The following SARM1 variants were observed in gnomAD, a reference collection of about 807,000 sequenced individuals.
SARM1 encodes NAD(+) hydrolase SARM1.
In SARM1, 60 loss-of-function variants were observed where a neutral mutation model predicts 65.1. That is an observed-to-expected ratio of 0.92 (90% CI 0.75 to 1.14). SARM1 has a LOEUF of 1.14. Ranked by LOEUF, SARM1 falls within the 50% of genes most tolerant of loss-of-function variation. The pLI is 0.00. For synonymous variants in SARM1, 417 were observed against 465.4 expected (o/e 0.90, Z 1.34); for missense variants, 913 against 1,015.7 (o/e 0.90, Z 1.37).
chr17:28,385,144 A>C lies in SARM1; in HGVS notation c.1499A>C (p.Gln500Pro). 1 of 1,613,384 alleles carries C rather than the reference A, an allele frequency of 6.2e-7. No individual in the cohort carries two copies. The highest frequency in any genetic ancestry group is 2.2e-5 in the East Asian group (1 of 44,874). The change falls in exon 5 of 9, where the codon CAG becomes CCG. Residue 500 changes from glutamine to proline, a missense_variant. Coordinates refer to ENST00000585482, the MANE Select transcript of SARM1 (RefSeq NM_015077.4). This position sits in a 1 kb window ranked among gnomAD's most constrained non-coding sequence, Gnocchi z 4.5. The stretch of plus-strand genomic sequence containing the variant: ...GGCAGCCTGGACCCGCGCTTCCGCC[A>C]GTACACCTACGGCCTGGTCAGCTGC... ...WLGSLDPRFR[Q>P]YTYGLVSCGL...
chr17:28,374,136 G>C (rs990352122), intron 1 of SARM1: 2 of 151,916 alleles, frequency 1.3e-5, no homozygotes, highest in Non-Finnish European at 2.9e-5. Context: ...AATTAGCTGG[G>C]CATGGTGGCG....
chr17:28,372,570 T>G lies in SARM1; in HGVS notation c.470+68T>G. 7.8e-7 allele frequency: 1 copy of G among 1,289,858 alleles called. No individual in the cohort carries two copies. 79.9% of individuals were successfully genotyped at this position (1,289,858 alleles called of 1,614,324 possible). ...GGACAGTTAAGCGCCTGCGTTCCCG[T>G]GTGCCTTGCGCCGTGCCTTTGCCTC... is the stretch of plus-strand genomic sequence containing the variant. On this transcript the variant is annotated intron_variant, in intron 1 of 8. Coordinates refer to ENST00000585482, the MANE Select transcript of SARM1 (RefSeq NM_015077.4). The surrounding 1 kb of genome is among the most constrained non-coding windows in gnomAD (Gnocchi z 5.2).
In SARM1 at chr17:28,385,020, T is replaced by C; in HGVS notation, c.1395-20T>C. On this transcript the variant is annotated intron_variant, in intron 4 of 8. Coordinates refer to ENST00000585482, the MANE Select transcript of SARM1 (RefSeq NM_015077.4). This position sits in a 1 kb window ranked among gnomAD's most constrained non-coding sequence, Gnocchi z 4.5. ...CCGTCCGAGTCTGGACCTCAGCGTCTTCTCCTCCGTGGGGTGCAGGTTCTT... is the reference window on the plus strand; with the variant it reads ...CCGTCCGAGTCTGGACCTCAGCGTCCTCTCCTCCGTGGGGTGCAGGTTCTT... 6.2e-7 allele frequency: 1 copy of C among 1,611,610 alleles called. No individual in the cohort carries two copies.
chr17:28,384,262 G>T lies in SARM1; in HGVS notation c.1090-95G>T. ...GGGCCAGGGCAGATGGAGAGACTTT[G>T]GGTTGTGAGAAGAGACAAGGAGAGG... On this transcript the variant is annotated intron_variant, in intron 2 of 8. Transcript: ENST00000585482. This position sits in a 1 kb window ranked among gnomAD's most constrained non-coding sequence, Gnocchi z 4.4. 9.7e-7 allele frequency: 1 copy of T among 1,034,656 alleles called. No homozygotes were observed. The highest frequency in any genetic ancestry group is 1.4e-6 in the Non-Finnish European group (1 of 714,378). The allele number at this position is 1,034,656 out of a possible 1,614,324, so 64.1% of individuals were successfully genotyped here.
chr17:28,400,114 T>C lies in SARM1; in HGVS notation c.*3828T>C. On this transcript the variant is annotated 3_prime_UTR_variant, in exon 9 of 9. Coordinates refer to ENST00000585482, the MANE Select transcript of SARM1 (RefSeq NM_015077.4). ...CTTGCTATGTTGCCCAGGCTGATCTTGAATTCCCGGGCTCAAGTGGTCCTC... is the reference window on the plus strand; with the variant it reads ...CTTGCTATGTTGCCCAGGCTGATCTCGAATTCCCGGGCTCAAGTGGTCCTC... 1 of 238,386 alleles carries C rather than the reference T, an allele frequency of 4.2e-6. No individual in the cohort carries two copies. The highest frequency in any genetic ancestry group is 1.7e-3 in the Middle Eastern group (1 of 602). The allele number at this position is 238,386 out of a possible 1,614,324, so 14.8% of individuals were successfully genotyped here.
intron 7 of SARM1, among the ~76,000 whole-genome samples, chr17:28,391,879 C>T (rs988347511): frequency 3.7e-5 from 4 of 108,902 alleles, no homozygotes; most frequent in East Asian, 3.3e-4. Context: ...GACTTGACTC[C>T]GTTTTTTTTT....
Position 28,385,586 on chromosome 17 carries a change from G to T in SARM1, c.1630+311G>T. ...AGCCCACCCCATCCACCCAGGTCTAGATTTCAGAGAGGACAGGATGCCTGA... is the reference window on the plus strand; with the variant it reads ...AGCCCACCCCATCCACCCAGGTCTATATTTCAGAGAGGACAGGATGCCTGA... On this transcript the variant is annotated intron_variant, in intron 5 of 8. Coordinates refer to ENST00000585482, the MANE Select transcript of SARM1 (RefSeq NM_015077.4). This position sits in a 1 kb window ranked among gnomAD's most constrained non-coding sequence, Gnocchi z 4.5. The T allele has an allele frequency of 2.3e-6, 1 of 436,236 alleles. No individual in the cohort carries two copies. The highest frequency in any genetic ancestry group is 2.0e-5 in the African/African-American group (1 of 48,814). 27.0% of individuals were successfully genotyped at this position (436,236 alleles called of 1,614,324 possible).
rs1391530922 is a variant in SARM1, at chr17:28,398,025, C to A, written c.*1739C>A. 1 of 152,488 alleles carries A rather than the reference C, an allele frequency of 6.6e-6. No individual in the cohort carries two copies. The highest frequency in any genetic ancestry group is 1.5e-5 in the Non-Finnish European group (1 of 68,248). The allele number at this position is 152,488 out of a possible 1,614,324, so 9.4% of individuals were successfully genotyped here. A position where few individuals can be genotyped will look rare whatever the true frequency, so the allele number is the denominator to read the frequency against. The stretch of plus-strand genomic sequence containing the variant: ...GCCAGCCTCGATGCTTTGGTTTTGA[C>A]CCCACCTGATCCTCCTTTCCTCATG... On this transcript the variant is annotated 3_prime_UTR_variant, in exon 9 of 9. Coordinates refer to ENST00000585482, the MANE Select transcript of SARM1 (RefSeq NM_015077.4).
intron 7 of SARM1, among the ~76,000 whole-genome samples, chr17:28,392,629 G>T (rs1427989112): frequency 2.0e-5 from 3 of 152,300 alleles, no homozygotes; most frequent in Middle Eastern, 3.4e-3. Context: ...CAGAGGACCG[G>T]CCCCTCGTGG....
intron 7 of SARM1, among the ~76,000 whole-genome samples, chr17:28,389,850 C>T (rs570079651): frequency 1.3e-5 from 2 of 152,316 alleles, no homozygotes; most frequent in Admixed American, 1.3e-4. Flanking sequence ...CCAGCTTGGG[C>T]AACAGAGTGG....
chr17:28,387,472 C>G (rs1037990874), intron 5 of SARM1, among the ~76,000 whole-genome samples: 1 of 151,026 alleles, frequency 6.6e-6, no homozygotes, highest in Non-Finnish European at 1.5e-5. Flanking sequence ...GATCCACCCA[C>G]CTTGGCCCCC....
chr17:28,396,604 C>A lies in SARM1; in HGVS notation c.*318C>A. On this transcript the variant is annotated 3_prime_UTR_variant, in exon 9 of 9. Transcript: ENST00000585482. ...TGGAGTTGGGGTGGGGGTGGTTCTGCATTCCCTTCTCCTGCTGATAGCAGT... is the reference window on the plus strand; with the variant it reads ...TGGAGTTGGGGTGGGGGTGGTTCTGAATTCCCTTCTCCTGCTGATAGCAGT... The A allele has an allele frequency of 3.0e-6, 1 of 335,040 alleles. No homozygotes were observed. The highest frequency in any genetic ancestry group is 5.6e-6 in the Non-Finnish European group (1 of 179,676). The allele number at this position is 335,040 out of a possible 1,614,324, so 20.8% of individuals were successfully genotyped here. A position where few individuals can be genotyped will look rare whatever the true frequency, so the allele number is the denominator to read the frequency against.
At position 28,393,116 on chromosome 17, in the gene SARM1, G is replaced by A. The variant is rs562393388; in HGVS notation, c.1924-2789G>A. On this transcript the variant is annotated intron_variant, in intron 7 of 8. Transcript: ENST00000585482. ...GTTTTATTATCCCCACTTTACAGAA[G>A]AGGAAATAATAACACCTATTACGTA... Among the ~76,000 whole-genome samples the A allele has an allele frequency of 4.9e-4, 74 of 152,288 alleles. 1 individual carries two copies. Among genetic ancestry groups the A allele is most frequent in the African/African-American group, 1.7e-3 (70 of 41,554 alleles).
intron 7 of SARM1, among the ~76,000 whole-genome samples, chr17:28,388,906 G>A (rs1597822137): frequency 6.6e-6 from 1 of 152,052 alleles, no homozygotes; most frequent in East Asian, 1.9e-4. Context: ...GAGTAGCTGG[G>A]ACTACAGGTG....
Position 28,402,629 on chromosome 17 carries a change from C to T in SARM1, c.*6343C>T, listed in dbSNP as rs1270880241. On this transcript the variant is annotated 3_prime_UTR_variant, in exon 9 of 9. Transcript: ENST00000585482. Reference sequence around the variant, plus strand: ...CACTTAGTAGGGATATGGCAGGGCACAGAAAACAAGCATGGGCTTTGGAGT... The same window carrying T: ...CACTTAGTAGGGATATGGCAGGGCATAGAAAACAAGCATGGGCTTTGGAGT... The T allele has an allele frequency of 7.9e-6, 2 of 253,710 alleles. No individual in the cohort carries two copies. Among genetic ancestry groups the T allele is most frequent in the Admixed American group, 4.7e-5 (1 of 21,466 alleles). 15.7% of individuals were successfully genotyped at this position (253,710 alleles called of 1,614,324 possible). A position where few individuals can be genotyped will look rare whatever the true frequency, so the allele number is the denominator to read the frequency against.
rs113093738 is a variant in SARM1 at position 28,402,060 on chromosome 17, T to C, written c.*5774T>C. On this transcript the variant is annotated 3_prime_UTR_variant, in exon 9 of 9. Transcript: ENST00000585482. ...AACTCTGCGGTTTGAAAATCCAAGG[T>C]GGCATGATCCTCTGCCCATTGTGGG... The C allele has an allele frequency of 8.5e-3, 4,642 of 547,370 alleles. 164 individuals carry two copies. The highest frequency in any genetic ancestry group is 0.079 in the African/African-American group (4,200 of 53,022). The allele number at this position is 547,370 out of a possible 1,614,324, so 33.9% of individuals were successfully genotyped here. A position where few individuals can be genotyped will look rare whatever the true frequency, so the allele number is the denominator to read the frequency against.
chr17:28,382,538 G>T (rs1342285903), intron 2 of SARM1, among the ~76,000 whole-genome samples: 8 of 152,102 alleles, frequency 5.3e-5, no homozygotes, highest in African/African-American at 1.7e-4. Flanking sequence ...CATGTCCAGG[G>T]CCTAATCCAC....
In SARM1 at chr17:28,372,410, C is replaced by A; in HGVS notation, c.378C>A (p.Leu126=). The change falls in exon 1 of 9, where the codon CTC becomes CTA. Residue 126 remains leucine, a synonymous_variant. Coordinates refer to ENST00000585482, the MANE Select transcript of SARM1 (RefSeq NM_015077.4). This position sits in a 1 kb window ranked among gnomAD's most constrained non-coding sequence, Gnocchi z 5.2. ...ACGCCATCCGCCTCGATGGCGGCCT[C>A]GACCTGCTGTTGCGGCTGCTGCAGG... The part of the protein sequence containing the change: ...LCDAIRLDGG[L]DLLLRLLQAP... The A allele has an allele frequency of 1.3e-6, 2 of 1,529,670 alleles. No individual in the cohort carries two copies. The highest frequency in any genetic ancestry group is 2.4e-5 in the South Asian group (2 of 83,756). The allele number at this position is 1,529,670 out of a possible 1,614,324, so 94.8% of individuals were successfully genotyped here.
In SARM1 at chr17:28,402,392, G is replaced by T; in HGVS notation, c.*6106G>T. 1.5e-6 allele frequency: 2 copies of T among 1,344,178 alleles called. No homozygotes were observed. Among genetic ancestry groups the T allele is most frequent in the African/African-American group, 1.4e-5 (1 of 69,572 alleles). 83.3% of individuals were successfully genotyped at this position (1,344,178 alleles called of 1,614,324 possible). A position where few individuals can be genotyped will look rare whatever the true frequency, so the allele number is the denominator to read the frequency against. On this transcript the variant is annotated 3_prime_UTR_variant, in exon 9 of 9. Transcript: ENST00000585482. The stretch of plus-strand genomic sequence containing the variant: ...GGGCGTCCAAGGGAAAGGCAGCAGA[G>T]CTCCTATCCATACCCCACGTGGGGC...
Sources: gnomAD v4.1 joint callset for allele counts (sites outside exome capture counted in the v4.1 genomes callset) on GRCh38, gnomAD v4.1.1 for gene constraint, Gnocchi (gnomAD v3.1) non-coding constraint, MANE v1.5 for transcripts, NCBI Gene and HGNC (gene_info 2026-07-23, HGNC 2026-07-21) for gene names.